Variants in PRKCA observed in about 807,000 individuals in gnomAD.
The protein encoded by PRKCA is protein kinase C alpha type.
PRKCA carries 27 observed loss-of-function variants against 87.0 expected under a neutral mutation model. The ratio of observed to expected loss-of-function variants is 0.31; its 90% CI spans 0.23 to 0.43. The LOEUF (loss-of-function observed/expected upper bound fraction) is 0.43. Ranked by LOEUF, PRKCA falls within the 20% of genes least tolerant of loss-of-function variation. PRKCA has a pLI of 1.00. For missense variants in PRKCA, 518 were observed against 852.3 expected (o/e 0.61, Z 4.88); for synonymous variants, 329 against 311.1 (o/e 1.06, Z -0.61).
intron 2 of PRKCA, among the ~76,000 whole-genome samples, chr17:66,373,794 C>G (rs992433616): frequency 6.6e-6 from 1 of 152,150 alleles, no homozygotes; most frequent in African/African-American, 2.4e-5. Context: ...ATCCTAAAAT[C>G]GGGTAGATTA....
At chr17:66,327,109 G>C (rs529504068) in intron 2 of PRKCA, among the ~76,000 whole-genome samples, 1 of 151,924 alleles carries the variant, frequency 6.6e-6, no homozygotes, top group South Asian at 2.1e-4. Context: ...GGTGGCTCAC[G>C]CCTGTAATCT....
intron 2 of PRKCA, among the ~76,000 whole-genome samples, chr17:66,355,735 A>G (rs896641252): frequency 6.6e-6 from 1 of 152,156 alleles, no homozygotes; most frequent in Non-Finnish European, 1.5e-5. Context: ...ATCCTTTTCC[A>G]GTTTTGGGGG....
Position 66,406,585 on chromosome 17 carries a change from G to GTTTTT in PRKCA, c.206-89596_206-89592dup, listed in dbSNP as rs71160568. 3.2e-3 allele frequency among the ~76,000 whole-genome samples: 226 copies of GTTTTT among 70,172 alleles called. 14 individuals carry two copies. Among genetic ancestry groups the GTTTTT allele is most frequent in the African/African-American group, 7.7e-3 (168 of 21,686 alleles). 46.0% of individuals were successfully genotyped at this position (70,172 alleles called of 152,430 possible). A position where few individuals can be genotyped will look rare whatever the true frequency, so the allele number is the denominator to read the frequency against. On this transcript the variant is annotated intron_variant, in intron 2 of 16. Transcript: ENST00000413366. ...TCATGTAGCATTGTAGCTTTTCCAGGTTTTTTTTTTTTTTTTTTTTTTTTA... is the reference window on the plus strand; with the variant it reads ...TCATGTAGCATTGTAGCTTTTCCAGGTTTTTTTTTTTTTTTTTTTTTTTTTTTTTA...
intron 5 of PRKCA, among the ~76,000 whole-genome samples, chr17:66,667,329 A>G (rs1010705353): frequency 2.0e-5 from 3 of 152,144 alleles, no homozygotes; most frequent in African/African-American, 7.2e-5. Flanking sequence ...ATAAAGACAT[A>G]CCTGAGACTG....
At chr17:66,442,713 C>T (rs1017468049) in intron 2 of PRKCA, among the ~76,000 whole-genome samples, 3 of 152,302 alleles carry the variant, frequency 2.0e-5, no homozygotes, top group South Asian at 2.1e-4. Flanking sequence ...GCAAGCTTAG[C>T]GAGGCCAGGG....
At chr17:66,680,993 C>T (rs1972475646) in intron 5 of PRKCA, among the ~76,000 whole-genome samples, 1 of 152,218 alleles carries the variant, frequency 6.6e-6, no homozygotes, top group Admixed American at 6.5e-5. Context: ...CTTTGGGAGG[C>T]CAAGGTGGGT....
At chr17:66,572,025 T>C (rs867132605) in intron 3 of PRKCA, among the ~76,000 whole-genome samples, 1 of 152,354 alleles carries the variant, frequency 6.6e-6, no homozygotes, top group South Asian at 2.1e-4. Flanking sequence ...TCTGTTCACT[T>C]AGCTGATAGA....
chr17:66,418,593 C>T (rs1484621745), intron 2 of PRKCA, among the ~76,000 whole-genome samples: 9 of 151,838 alleles, frequency 5.9e-5, no homozygotes, highest in African/African-American at 2.2e-4. Context: ...CATGTCACCA[C>T]GCCTGGCTAA....
chr17:66,553,034 T>G lies in PRKCA; in HGVS notation c.288+56751T>G, dbSNP rs192821011. Among the ~76,000 whole-genome samples the G allele has an allele frequency of 2.2e-4, 33 of 151,836 alleles. No homozygotes were observed. The East Asian group carries it at 6.4e-3, about 30-fold the overall frequency. On this transcript the variant is annotated intron_variant, in intron 3 of 16. Coordinates refer to ENST00000413366, the MANE Select transcript of PRKCA (RefSeq NM_002737.3). ...TCTCACTCTGTTGCTGGTGCCAGAG[T>G]GCAGTGGTGTGATCTTGGCTCACTG...
chr17:66,547,768 C>T (rs1968191336), intron 3 of PRKCA, among the ~76,000 whole-genome samples: 1 of 152,060 alleles, frequency 6.6e-6, no homozygotes, highest in African/African-American at 2.4e-5. Flanking sequence ...AGAAAATAAC[C>T]CTTGATACCA....
intron 3 of PRKCA, among the ~76,000 whole-genome samples, chr17:66,583,692 C>T (rs918803489): frequency 4.0e-5 from 6 of 151,338 alleles, no homozygotes; most frequent in Admixed American, 2.0e-4. Context: ...AATTATGTTA[C>T]GGTGGTGGGA....
At position 66,562,115 on chromosome 17, in the gene PRKCA, T is replaced by A. The variant is rs186015444; in HGVS notation, c.288+65832T>A. On this transcript the variant is annotated intron_variant, in intron 3 of 16. Coordinates refer to ENST00000413366, the MANE Select transcript of PRKCA (RefSeq NM_002737.3). Reference sequence around the variant, plus strand: ...AATATATATAATTAAATTATATATATAATTAAATATATATAATTAAATTAT... The same window carrying A: ...AATATATATAATTAAATTATATATAAAATTAAATATATATAATTAAATTAT... 7.1e-3 allele frequency among the ~76,000 whole-genome samples: 753 copies of A among 105,894 alleles called. 28 individuals carry two copies. The highest frequency in any genetic ancestry group is 0.027 in the African/African-American group (696 of 25,808). The allele number at this position is 105,894 out of a possible 152,430, so 69.5% of individuals were successfully genotyped here. A position where few individuals can be genotyped will look rare whatever the true frequency, so the allele number is the denominator to read the frequency against.
intron 13 of PRKCA, 143 bp from the exon 14 acceptor site, chr17:66,773,844 C>G: frequency 1.5e-6 from 2 of 1,374,952 alleles, no homozygotes; most frequent in East Asian, 4.7e-5. Flanking sequence ...GGGTCCTCTT[C>G]CCTTGGCGTA....
chr17:66,688,939 C>G lies in PRKCA; in HGVS notation c.822-12C>G. 6.5e-7 allele frequency: 1 copy of G among 1,544,930 alleles called. No individual in the cohort carries two copies. The highest frequency in any genetic ancestry group is 8.9e-7 in the Non-Finnish European group (1 of 1,120,628). ...CTTGCGGTGGTAACTCTTCTTCTCC[C>G]GTCCTTGAAAGGTACAAGTTGCTTA... is the stretch of plus-strand genomic sequence containing the variant. On this transcript the variant is annotated splice_polypyrimidine_tract_variant and intron_variant, in intron 7 of 16. Coordinates refer to ENST00000413366, the MANE Select transcript of PRKCA (RefSeq NM_002737.3).
intron 3 of PRKCA, among the ~76,000 whole-genome samples, chr17:66,530,696 C>A (rs1337325506): frequency 6.6e-6 from 1 of 152,070 alleles, no homozygotes; most frequent in African/African-American, 2.4e-5. Context: ...GGCTCACTGA[C>A]CTACTTGAAG....
rs142178224 is a variant in PRKCA at position 66,761,037 on chromosome 17, T to G, written c.1525-12950T>G. Among the ~76,000 whole-genome samples, 311 of 152,262 alleles carry G rather than the reference T, an allele frequency of 2.0e-3. 1 individual carries two copies. Among genetic ancestry groups the G allele is most frequent in the African/African-American group, 7.1e-3 (296 of 41,546 alleles). ...TTACTATTAGAGAGATCATTTTCTG[T>G]TTTCTCCAATTGTACATAGAGCCAC... On this transcript the variant is annotated intron_variant, in intron 13 of 16. Coordinates refer to ENST00000413366, the MANE Select transcript of PRKCA (RefSeq NM_002737.3).
At chr17:66,748,507 G>A (rs1290403727) in intron 13 of PRKCA, among the ~76,000 whole-genome samples, 2 of 152,154 alleles carry the variant, frequency 1.3e-5, no homozygotes, top group Non-Finnish European at 2.9e-5. Flanking sequence ...CTCGTTCTTG[G>A]ACCCCAAGGA....
At chr17:66,790,642 C>T (rs1424588345) in intron 16 of PRKCA, among the ~76,000 whole-genome samples, 1 of 152,190 alleles carries the variant, frequency 6.6e-6, no homozygotes, top group Non-Finnish European at 1.5e-5. Context: ...CGTAGAGATG[C>T]GTACTGACCC....
intron 13 of PRKCA, among the ~76,000 whole-genome samples, chr17:66,754,652 G>GT (rs1470382614): frequency 6.6e-6 from 1 of 152,154 alleles, no homozygotes; most frequent in Non-Finnish European, 1.5e-5. Context: ...CTGAAGAGGT[G>GT]TTTGATTTCT....
Sources: gnomAD v4.1 joint callset for allele counts (sites outside exome capture counted in the v4.1 genomes callset) on GRCh38, gnomAD v4.1.1 for gene constraint, MANE v1.5 for transcripts, NCBI Gene and HGNC (gene_info 2026-07-23, HGNC 2026-07-21) for gene names.